The following JDP2 variants were observed in gnomAD, a reference collection of about 807,000 sequenced individuals.
JDP2 encodes progesterone receptor co-activator.
Under a neutral mutation model 17.1 loss-of-function variants are expected in JDP2, and 9 were observed. The ratio of observed to expected loss-of-function variants is 0.53; its 90% CI spans 0.32 to 0.92. The LOEUF (loss-of-function observed/expected upper bound fraction) is 0.92, where lower values mean the gene tolerates loss of function less well. Ranked by LOEUF, JDP2 falls within the 40% of genes least tolerant of loss-of-function variation. The pLI is 0.04. For synonymous variants in JDP2, 107 were observed against 95.6 expected, an observed-to-expected ratio of 1.12 and a Z score of -0.69; for missense variants, 179 against 220.0, an observed-to-expected ratio of 0.81 and a Z score of 1.18.
intron 3 of JDP2, among the ~76,000 whole-genome samples, chr14:75,466,538 A>G (rs1818865901): frequency 1.3e-5 from 2 of 152,184 alleles, no homozygotes; most frequent in Admixed American, 6.5e-5. Context: ...ACAGAATATA[A>G]TGTTCTTTGT....
intron 2 of JDP2, among the ~76,000 whole-genome samples, chr14:75,447,380 TAGAG>T (rs1317822158): frequency 6.6e-6 from 1 of 152,188 alleles, no homozygotes; most frequent in African/African-American, 2.4e-5. Context: ...TATGAGTTGT[TAGAG>T]AGCTGACGCT....
chr14:75,431,623 C>T (rs1253005225), intron 1 of JDP2, among the ~76,000 whole-genome samples: 1 of 152,224 alleles, frequency 6.6e-6, no homozygotes, highest in Non-Finnish European at 1.5e-5. Flanking sequence ...GGTGCTGGGC[C>T]CCATTTCTGC....
chr14:75,450,688 C>T (rs1885810837), intron 2 of JDP2, among the ~76,000 whole-genome samples: 1 of 152,230 alleles, frequency 6.6e-6, no homozygotes, highest in Non-Finnish European at 1.5e-5. Context: ...GAACCTTGGA[C>T]TTGGAGTCAG....
chr14:75,437,125 C>T (rs1461319963), intron 1 of JDP2, among the ~76,000 whole-genome samples: 4 of 133,046 alleles, frequency 3.0e-5, no homozygotes, highest in African/African-American at 5.8e-5. Context: ...ACCCAGGAGG[C>T]GGAGGTTGCA....
chr14:75,453,965 G>A (rs777769446), intron 2 of JDP2, among the ~76,000 whole-genome samples: 3 of 151,988 alleles, frequency 2.0e-5, no homozygotes, highest in African/African-American at 4.8e-5. Flanking sequence ...TATTTTCAGC[G>A]CCTTGGGTTG....
rs1258021739 is a variant in JDP2, at chr14:75,438,071, C to T, written c.151C>T (p.His51Tyr). The T allele has an allele frequency of 6.2e-7, 1 of 1,613,854 alleles. No homozygotes were observed. The highest frequency in any genetic ancestry group is 2.2e-5 in the East Asian group (1 of 44,878). ...CCTCGGGGCCATGATTGCACCCTTGCACTTCCTGGAGGTGAAACTGGGCAA... is the reference window on the plus strand; with the variant it reads ...CCTCGGGGCCATGATTGCACCCTTGTACTTCCTGGAGGTGAAACTGGGCAA... The part of the protein sequence containing the change: ...RNLGAMIAPL[H>Y]FLEVKLGKRP... Residue 51 changes from histidine (H) to tyrosine (Y), a missense_variant, in exon 2 of 4, where the codon CAC becomes TAC. Transcript: ENST00000651602.
Position 75,469,586 on chromosome 14 carries a change from C to T in JDP2, c.*111C>T. ...TTCCTTTGGTGCATGAAAAACTGTA[C>T]AATGAGGTTCAGCACAGCCAGCATC... is the stretch of plus-strand genomic sequence containing the variant. On this transcript the variant is annotated 3_prime_UTR_variant, in exon 4 of 4. Transcript: ENST00000651602. The T allele has an allele frequency of 1.1e-6, 1 of 912,560 alleles. No homozygotes were observed. 56.5% of individuals were successfully genotyped at this position (912,560 alleles called of 1,614,324 possible). A position where few individuals can be genotyped will look rare whatever the true frequency, so the allele number is the denominator to read the frequency against.
chr14:75,440,628 G>T (rs1477765108), intron 2 of JDP2, among the ~76,000 whole-genome samples: 1 of 152,192 alleles, frequency 6.6e-6, no homozygotes, highest in African/African-American at 2.4e-5. Flanking sequence ...CCCCATAGTA[G>T]AGAAGAGTTT....
At chr14:75,463,474 G>A (rs1886427578) in intron 3 of JDP2, among the ~76,000 whole-genome samples, 1 of 152,062 alleles carries the variant, frequency 6.6e-6, no homozygotes, top group Non-Finnish European at 1.5e-5. Context: ...TGGGATGGGA[G>A]GCAGGAAACA....
At chr14:75,463,627 G>A (rs1364477619) in intron 3 of JDP2, among the ~76,000 whole-genome samples, 1 of 152,146 alleles carries the variant, frequency 6.6e-6, no homozygotes, top group Non-Finnish European at 1.5e-5. Context: ...GTGAGATGGA[G>A]GCCCTAGGGG....
At chr14:75,432,073 C>T (rs1884824036) in intron 1 of JDP2, 2 of 568,000 alleles carry the variant, frequency 3.5e-6, no homozygotes, top group Admixed American at 3.2e-5. Context: ...GGTGATCTGG[C>T]TCCAAAACCG....
intron 3 of JDP2, among the ~76,000 whole-genome samples, chr14:75,467,451 T>C (rs568762241): frequency 1.1e-4 from 16 of 152,212 alleles, no homozygotes; most frequent in Admixed American, 7.2e-4. Flanking sequence ...CAAGAGCCAG[T>C]TGGGGGCTCA....
At chr14:75,442,187 T>G (rs1348834169) in intron 2 of JDP2, among the ~76,000 whole-genome samples, 1 of 152,206 alleles carries the variant, frequency 6.6e-6, no homozygotes, top group Non-Finnish European at 1.5e-5. Flanking sequence ...CTTTCTTTTT[T>G]AACAAAATCA....
At chr14:75,454,078 G>C (rs1810886309) in intron 2 of JDP2, among the ~76,000 whole-genome samples, 1 of 152,186 alleles carries the variant, frequency 6.6e-6, no homozygotes, top group Admixed American at 6.5e-5. Context: ...CATCTGGGCT[G>C]CTGTTTGTCA....
chr14:75,438,395 G>A (rs1386960737), intron 2 of JDP2, among the ~76,000 whole-genome samples: 2 of 152,088 alleles, frequency 1.3e-5, no homozygotes, highest in African/African-American at 4.8e-5. Flanking sequence ...TCTGGGGGGC[G>A]GTGGAAGAGT....
In JDP2 at chr14:75,430,598, A is replaced by G. The variant is rs1884753012; in HGVS notation, c.-24+2346A>G. On this transcript the variant is annotated intron_variant, in intron 1 of 3. Transcript: ENST00000651602. The surrounding 1 kb of genome is among the most constrained non-coding windows in gnomAD (Gnocchi z 4.5). ...TGTGTTTGAAAACAGAGGGTCTCCT[A>G]TGCCTTTGAGGAGGGTGAGAACACT... Among the ~76,000 whole-genome samples, 1 of 152,068 alleles carries G rather than the reference A, an allele frequency of 6.6e-6. No homozygotes were observed. The highest frequency in any genetic ancestry group is 1.5e-5 in the Non-Finnish European group (1 of 68,012).
intron 2 of JDP2, among the ~76,000 whole-genome samples, chr14:75,438,887 C>T (rs533741739): frequency 3.9e-5 from 6 of 152,364 alleles, no homozygotes; most frequent in Admixed American, 1.3e-4. Context: ...CAGGGCTGGC[C>T]GTTTCTCTGA....
At chr14:75,444,466 G>A (rs1047012041) in intron 2 of JDP2, among the ~76,000 whole-genome samples, 9 of 152,216 alleles carry the variant, frequency 5.9e-5, no homozygotes, top group African/African-American at 2.2e-4. Flanking sequence ...GGCTACTTCT[G>A]GGGCCTGGGA....
chr14:75,465,763 C>T (rs1886546725), intron 3 of JDP2, among the ~76,000 whole-genome samples: 1 of 152,236 alleles, frequency 6.6e-6, no homozygotes, highest in East Asian at 1.9e-4. Context: ...ACACCCAGCC[C>T]TTCACCTTGT....
Sources: gnomAD v4.1 joint callset for allele counts (sites outside exome capture counted in the v4.1 genomes callset) on GRCh38, gnomAD v4.1.1 for gene constraint, Gnocchi (gnomAD v3.1) non-coding constraint, MANE v1.5 for transcripts, NCBI Gene and HGNC (gene_info 2026-07-23, HGNC 2026-07-21) for gene names.